KIN: variants seen among roughly 807,000 people sequenced by gnomAD.
KIN encodes the protein Kin17 DNA and RNA binding protein.
Under a neutral mutation model 63.0 loss-of-function variants are expected in KIN, and 47 were observed. That is an observed-to-expected ratio of 0.75 (90% CI 0.59 to 0.95). The LOEUF is 0.95. Among genes scored for constraint, KIN ranks in the 40% least tolerant of loss-of-function variants. The pLI is 0.00. For missense variants in KIN, 408 were observed against 460.9 expected, an observed-to-expected ratio of 0.89 and a Z score of 1.05; for synonymous variants, 160 against 157.7, an observed-to-expected ratio of 1.01 and a Z score of -0.11.
chr10:7,762,606 C>A (rs373271568), intron 10 of KIN, 50 bp from the exon 11 acceptor site: 33 of 999,310 alleles, frequency 3.3e-5, no homozygotes, highest in Non-Finnish European at 4.9e-5. Flanking sequence ...TGTGCACACT[C>A]ATTTAAAAGG....
At chr10:7,765,923 TA>T (rs1835534086) in intron 9 of KIN, 129 bp downstream of exon 9, 2 of 552,544 alleles carry the variant, frequency 3.6e-6, no homozygotes, top group East Asian at 6.5e-5. Flanking sequence ...AAAGTCATTA[TA>T]AGTTATAACT....
chr10:7,759,231 G>A (rs1468374367), intron 12 of KIN, among the ~76,000 whole-genome samples: 1 of 152,142 alleles, frequency 6.6e-6, no homozygotes, highest in Non-Finnish European at 1.5e-5. Context: ...TCAAAGATAT[G>A]CAGTGCAGTA....
intron 12 of KIN, 42 bp downstream of exon 12, chr10:7,759,848 T>A (rs928124822): frequency 9.9e-7 from 1 of 1,007,932 alleles, no homozygotes; most frequent in Non-Finnish European, 1.5e-6. Context: ...GGCACATTTT[T>A]AAAGCATTTT....
intron 7 of KIN, among the ~76,000 whole-genome samples, chr10:7,772,036 G>C (rs1835676849): frequency 6.6e-6 from 1 of 152,112 alleles, no homozygotes; most frequent in South Asian, 2.1e-4. Flanking sequence ...TTCCAGGAAG[G>C]GGAGCAGCAG....
Position 7,755,944 on chromosome 10 carries a change from T to TAACG in KIN, c.*135_*136insCGTT. On this transcript the variant is annotated 3_prime_UTR_variant, in exon 13 of 13. Transcript: ENST00000379562. ...TCTTCTCAAAGTTTAGCTGAACAAC[T>TAACG]ATACAGTAATATTTTCAAAAACCTG... The TAACG allele has an allele frequency of 1.9e-6, 1 of 536,528 alleles. No individual in the cohort carries two copies. Among genetic ancestry groups the TAACG allele is most frequent in the South Asian group, 3.7e-5 (1 of 26,980 alleles). The allele number at this position is 536,528 out of a possible 1,614,324, so 33.2% of individuals were successfully genotyped here. A position where few individuals can be genotyped will look rare whatever the true frequency, so the allele number is the denominator to read the frequency against.
rs3036327 is a variant in KIN, at chr10:7,781,587, T to TACACACACACAC, written c.210-1292_210-1281dup. Among the ~76,000 whole-genome samples, 987 of 140,688 alleles carry TACACACACACAC rather than the reference T, an allele frequency of 7.0e-3. 12 individuals are homozygous for TACACACACACAC. The highest frequency in any genetic ancestry group is 0.02 in the African/African-American group (725 of 36,398). 92.3% of individuals were successfully genotyped at this position (140,688 alleles called of 152,430 possible). On this transcript the variant is annotated intron_variant, in intron 2 of 12. Transcript: ENST00000379562. ...GGGCAACAAAGTGAGACCCTGTCTC[T>TACACACACACAC]ACACACACACACACACACACACACA... is the stretch of plus-strand genomic sequence containing the variant.
At position 7,762,487 on chromosome 10, in the gene KIN, T is replaced by C. The variant is rs747302138; in HGVS notation, c.988A>G (p.Thr330Ala). 1 of 1,610,970 alleles carries C rather than the reference T, an allele frequency of 6.2e-7. No homozygotes were observed. The highest frequency in any genetic ancestry group is 2.2e-5 in the East Asian group (1 of 44,822). ...DSGDKLKLDQ[T>A]HLETVIPAPG... is the part of the protein sequence containing the mutation. ...GCTGGAATTACTGTCTCTAAATGAG[T>C]CTGGTCAAGTTTCAGCTTGTCTCCA... Residue 330 changes from threonine (T) to alanine (A), a missense_variant, in exon 11 of 13, where the codon ACT becomes GCT. Coordinates refer to ENST00000379562, the MANE Select transcript of KIN (RefSeq NM_012311.4).
At chr10:7,784,207 C>T (rs2131036313) in intron 1 of KIN, among the ~76,000 whole-genome samples, 1 of 152,300 alleles carries the variant, frequency 6.6e-6, no homozygotes, top group East Asian at 1.9e-4. Flanking sequence ...GACCTTCATT[C>T]TCTTCAGCCT....
intron 2 of KIN, 126 bp downstream of exon 2, chr10:7,782,953 CTG>C: frequency 2.4e-6 from 1 of 422,694 alleles, no homozygotes; most frequent in Non-Finnish European, 4.1e-6. Flanking sequence ...AAGATAAAAA[CTG>C]AGCATAGAGA....
At chr10:7,767,415 G>A (rs1835569786) in intron 8 of KIN, among the ~76,000 whole-genome samples, 1 of 152,178 alleles carries the variant, frequency 6.6e-6, no homozygotes. Flanking sequence ...GACTAACAAG[G>A]ACTGTTTTTC....
intron 8 of KIN, among the ~76,000 whole-genome samples, chr10:7,766,636 A>T (rs1402530298): frequency 6.6e-6 from 1 of 152,126 alleles, no homozygotes; most frequent in Non-Finnish European, 1.5e-5. Flanking sequence ...TGGCGAAAAT[A>T]TCGAATCTTT....
Position 7,766,799 on chromosome 10 carries a change from G to A in KIN, c.799-696C>T, listed in dbSNP as rs61654375. On this transcript the variant is annotated intron_variant, in intron 8 of 12. Transcript: ENST00000379562. ...AGCACTTTGGGAGGCTGAGGTGGGC[G>A]GATCACGAGGTCAGGAGTTTGAGAC... Among the ~76,000 whole-genome samples, 1,327 of 152,144 alleles carry A rather than the reference G, an allele frequency of 8.7e-3. 20 individuals are homozygous for A. Among genetic ancestry groups the A allele is most frequent in the African/African-American group, 0.031 (1,279 of 41,502 alleles).
intron 9 of KIN, among the ~76,000 whole-genome samples, chr10:7,765,655 C>T (rs1025495241): frequency 1.3e-5 from 2 of 152,136 alleles, no homozygotes; most frequent in African/African-American, 2.4e-5. Context: ...CCACAATGTA[C>T]CTATTAATAA....
intron 12 of KIN, among the ~76,000 whole-genome samples, chr10:7,757,881 G>T (rs984602219): frequency 2.0e-5 from 3 of 152,054 alleles, no homozygotes; most frequent in African/African-American, 7.2e-5. Flanking sequence ...ACAATTTATT[G>T]GATGTTAAAA....
At chr10:7,768,505 A>G (rs1177615541) in intron 8 of KIN, among the ~76,000 whole-genome samples, 2 of 151,970 alleles carry the variant, frequency 1.3e-5, no homozygotes. Context: ...GGCCTGGGCA[A>G]CAGAGAGAGA....
chr10:7,753,460 C>A lies in KIN; in HGVS notation c.*2620G>T, dbSNP rs560788634. 1.3e-5 allele frequency: 2 copies of A among 152,238 alleles called. No individual in the cohort carries two copies. The highest frequency in any genetic ancestry group is 4.8e-5 in the African/African-American group (2 of 41,536). 9.4% of individuals were successfully genotyped at this position (152,238 alleles called of 1,614,324 possible). On this transcript the variant is annotated 3_prime_UTR_variant, in exon 13 of 13. Transcript: ENST00000379562. The stretch of plus-strand genomic sequence containing the variant: ...TTCTCCTTTTTGAAATTCTTCAGAC[C>A]AGATTCTTAGTAGTCCAGGCTCAAC...
intron 7 of KIN, among the ~76,000 whole-genome samples, chr10:7,769,620 G>C (rs183072089): frequency 1.3e-5 from 2 of 151,890 alleles, no homozygotes; most frequent in South Asian, 4.2e-4. Context: ...TCACTCCTTC[G>C]GTCACTGCTA....
intron 9 of KIN, among the ~76,000 whole-genome samples, chr10:7,764,018 AT>A (rs1345465383): frequency 6.6e-6 from 1 of 152,200 alleles, no homozygotes; most frequent in Non-Finnish European, 1.5e-5. Flanking sequence ...GAGGAAAAAA[AT>A]ATATACATAT....
chr10:7,759,799 A>C, intron 12 of KIN, 91 bp downstream of exon 12: 1 of 692,618 alleles, frequency 1.4e-6, no homozygotes, highest in African/African-American at 1.8e-5. Flanking sequence ...AAAAAACTCA[A>C]ATTCTAAAAT....
Sources: allele counts gnomAD v4.1 joint callset (sites outside exome capture counted in the v4.1 genomes callset), GRCh38; gene constraint gnomAD v4.1.1; transcripts MANE v1.5; gene names NCBI Gene and HGNC (gene_info 2026-07-23, HGNC 2026-07-21).